The following GREM2 variants were observed in gnomAD, a reference collection of about 807,000 sequenced individuals.
GREM2 encodes gremlin-2.
Under a neutral mutation model 14.2 loss-of-function variants are expected in GREM2, and 11 were observed. The ratio of observed to expected loss-of-function variants is 0.78; its 90% CI spans 0.49 to 1.28. GREM2 has a LOEUF of 1.28. Ranked by LOEUF, GREM2 falls within the 50% of genes most tolerant of loss-of-function variation. The pLI is 0.00. For missense variants in GREM2, 210 were observed against 218.5 expected, an observed-to-expected ratio of 0.96 and a Z score of 0.24; for synonymous variants, 98 against 97.6, an observed-to-expected ratio of 1.00 and a Z score of -0.02.
chr1:240,563,012 A>ATGTGTGTATG (rs1212174871), intron 1 of GREM2, among the ~76,000 whole-genome samples: 114 of 124,110 alleles, frequency 9.2e-4, no homozygotes, highest in African/African-American at 3.5e-3. Flanking sequence ...ATGTGAGTGT[A>ATGTGTGTATG]TGTGTGTATG....
chr1:240,493,367 C>A lies in GREM2; in HGVS notation c.109G>T (p.Gly37Cys). 1 of 1,613,940 alleles carries A rather than the reference C, an allele frequency of 6.2e-7. No individual in the cohort carries two copies. Among genetic ancestry groups the A allele is most frequent in the Non-Finnish European group, 8.5e-7 (1 of 1,180,004 alleles). The change falls in exon 2 of 2, where the codon GGC (glycine) becomes TGC (cysteine). Residue 37 changes from glycine to cysteine, a missense_variant. Transcript: ENST00000318160. ...CATCTCTCCGAGTTGTTGCTGCTGC[C>A]GTCCTTGTAAGGCGAGGGGATGGCG... ...AGAIPSPYKDGSSNNSERWQH... is the reference protein window; with the variant it reads ...AGAIPSPYKDCSSNNSERWQH...
intron 1 of GREM2, among the ~76,000 whole-genome samples, chr1:240,596,044 C>T (rs144365483): frequency 2.6e-5 from 4 of 152,178 alleles, no homozygotes; most frequent in Admixed American, 1.3e-4. Context: ...TAAGTTGTGA[C>T]GACTATAATA....
At chr1:240,572,690 G>A (rs1366314496) in intron 1 of GREM2, among the ~76,000 whole-genome samples, 3 of 152,148 alleles carry the variant, frequency 2.0e-5, no homozygotes, top group Admixed American at 2.0e-4. Flanking sequence ...CTTTCTTAGT[G>A]GATTGGTTGT....
chr1:240,494,850 G>A (rs1472334041), intron 1 of GREM2, among the ~76,000 whole-genome samples: 2 of 152,188 alleles, frequency 1.3e-5, no homozygotes, highest in African/African-American at 2.4e-5. Context: ...GCAATGAGCC[G>A]AGATGGCGTC....
At chr1:240,596,020 TAACAAATCCTAA>T (rs1230781578) in intron 1 of GREM2, among the ~76,000 whole-genome samples, 1 of 152,202 alleles carries the variant, frequency 6.6e-6, no homozygotes, top group East Asian at 1.9e-4. Context: ...GCTTGGCATA[TAACAAATCCTAA>T]ATAAGTTGTG....
intron 1 of GREM2, among the ~76,000 whole-genome samples, chr1:240,582,605 G>C (rs559137328): frequency 2.8e-4 from 43 of 152,234 alleles, no homozygotes; most frequent in Admixed American, 2.4e-3. Context: ...AGACCAGCCT[G>C]TCCAACATGG....
chr1:240,495,250 T>C (rs73132210), intron 1 of GREM2, among the ~76,000 whole-genome samples: 5,158 of 152,304 alleles, frequency 0.034, 316 homozygotes, highest in African/African-American at 0.12. Context: ...TCATCATCTT[T>C]ATGTTTACTC....
At chr1:240,513,372 C>A (rs562083688) in intron 1 of GREM2, among the ~76,000 whole-genome samples, 1 of 151,884 alleles carries the variant, frequency 6.6e-6, no homozygotes, top group Non-Finnish European at 1.5e-5. Context: ...GTCAAGAGAT[C>A]GAGATCAACC....
chr1:240,604,377 A>C (rs1294163890), intron 1 of GREM2, among the ~76,000 whole-genome samples: 1 of 151,772 alleles, frequency 6.6e-6, no homozygotes, highest in Non-Finnish European at 1.5e-5. Context: ...TCCTGTTTAT[A>C]AGGGACTAAA....
chr1:240,593,026 C>T lies in GREM2; in HGVS notation c.-2+18858G>A, dbSNP rs1197006824. On this transcript the variant is annotated intron_variant, in intron 1 of 1. Coordinates refer to ENST00000318160, the MANE Select transcript of GREM2 (RefSeq NM_022469.4). ...CGGCATGGTAGTGGGCGCCTGTAAT[C>T]CTAGCTACTCGGGAGGCTGAGGCAG... Among the ~76,000 whole-genome samples, 6 of 151,690 alleles carry T rather than the reference C, an allele frequency of 4.0e-5. No individual in the cohort carries two copies. In the South Asian group the frequency reaches 1.0e-3, roughly 26 times the overall value.
chr1:240,592,995 A>T (rs1679740570), intron 1 of GREM2, among the ~76,000 whole-genome samples: 1 of 145,900 alleles, frequency 6.9e-6, no homozygotes, highest in African/African-American at 2.6e-5. Flanking sequence ...AAAAAAAAAA[A>T]TTAGCCGGCA....
Position 240,575,975 on chromosome 1 carries a change from G to A in GREM2, c.-2+35909C>T, listed in dbSNP as rs552191727. Among the ~76,000 whole-genome samples, 5 of 151,372 alleles carry A rather than the reference G, an allele frequency of 3.3e-5. No individual in the cohort carries two copies. The South Asian group carries it at 1.0e-3, about 32-fold the overall frequency. ...TGTTAAATTACAGAATGTTATCAATGGTAAAACCCGAGAAAGAAAAGAAAT... is the reference window on the plus strand; with the variant it reads ...TGTTAAATTACAGAATGTTATCAATAGTAAAACCCGAGAAAGAAAAGAAAT... On this transcript the variant is annotated intron_variant, in intron 1 of 1. Coordinates refer to ENST00000318160, the MANE Select transcript of GREM2 (RefSeq NM_022469.4).
intron 1 of GREM2, among the ~76,000 whole-genome samples, chr1:240,510,300 G>A (rs925709076): frequency 6.7e-6 from 1 of 149,906 alleles, no homozygotes; most frequent in South Asian, 2.1e-4. Context: ...AACCGGGGAG[G>A]CGGAGCTTGC....
At chr1:240,555,689 T>C (rs2103343563) in intron 1 of GREM2, among the ~76,000 whole-genome samples, 1 of 152,318 alleles carries the variant, frequency 6.6e-6, no homozygotes, top group Middle Eastern at 3.4e-3. Flanking sequence ...TTAAGAGAAA[T>C]TTATCAGAGA....
chr1:240,561,159 C>G (rs1173065284), intron 1 of GREM2, among the ~76,000 whole-genome samples: 1 of 151,954 alleles, frequency 6.6e-6, no homozygotes, highest in African/African-American at 2.4e-5. Context: ...GGTAAGGAGA[C>G]AGGTTCTACT....
At chr1:240,582,351 C>T (rs1679501208) in intron 1 of GREM2, among the ~76,000 whole-genome samples, 1 of 152,180 alleles carries the variant, frequency 6.6e-6, no homozygotes, top group Non-Finnish European at 1.5e-5. Flanking sequence ...AGGAGAATCA[C>T]TTGAACACAG....
intron 1 of GREM2, among the ~76,000 whole-genome samples, chr1:240,558,188 A>G (rs573046696): frequency 6.6e-6 from 1 of 152,184 alleles, no homozygotes; most frequent in East Asian, 1.9e-4. Flanking sequence ...ATAGCATGCT[A>G]ACGATTGGAA....
intron 1 of GREM2, among the ~76,000 whole-genome samples, chr1:240,519,479 C>T (rs1678030440): frequency 6.6e-6 from 1 of 152,062 alleles, no homozygotes; most frequent in African/African-American, 2.4e-5. Flanking sequence ...ACCGATAAAC[C>T]AATCAGTAAT....
At chr1:240,610,138 A>C (rs1336076925) in intron 1 of GREM2, among the ~76,000 whole-genome samples, 4 of 152,198 alleles carry the variant, frequency 2.6e-5, no homozygotes, top group African/African-American at 9.6e-5. Context: ...TAAGACAGAA[A>C]TAGGTCCCAA....
Sources: gnomAD v4.1 joint callset for allele counts (sites outside exome capture counted in the v4.1 genomes callset) on GRCh38, gnomAD v4.1.1 for gene constraint, MANE v1.5 for transcripts, NCBI Gene and HGNC (gene_info 2026-07-23, HGNC 2026-07-21) for gene names.